The following DUS3L variants were observed in gnomAD, a reference collection of about 807,000 sequenced individuals.
The protein encoded by DUS3L is tRNA-dihydrouridine(47) synthase [NAD(P)(+)]-like.
DUS3L carries 62 observed loss-of-function variants against 74.6 expected under a neutral mutation model. That is an observed-to-expected ratio of 0.83 (90% CI 0.68 to 1.03). The LOEUF (loss-of-function observed/expected upper bound fraction) is 1.03. DUS3L is among the 50% of genes least tolerant of loss of function. The pLI is 0.00. For missense variants in DUS3L, 884 were observed against 924.4 expected (o/e 0.96, Z 0.57); for synonymous variants, 433 against 395.7 (o/e 1.09, Z -1.12).
At chr19:5,787,782 TG>T (rs1431607094) in intron 5 of DUS3L, 77 bp from the exon 6 acceptor site, 20 of 1,533,588 alleles carry the variant, frequency 1.3e-5, no homozygotes, top group Non-Finnish European at 1.6e-5. Context: ...CCCTCCCCAC[TG>T]GGGGGCCCTG....
At chr19:5,788,865 C>T (rs1468824361) in intron 3 of DUS3L, among the ~76,000 whole-genome samples, 7 of 152,186 alleles carry the variant, frequency 4.6e-5, no homozygotes, top group African/African-American at 1.7e-4. Flanking sequence ...CGCCACCAGG[C>T]CCGGCTAATT....
rs2056901195 is a variant in DUS3L, at chr19:5,790,691, G to A, written c.98+353C>T. ...CTTCAAACACCGCAGGCCCCAGCAC[G>A]CCCCGCGGCACTCGCTTCAACCCCA... On this transcript the variant is annotated intron_variant, in intron 1 of 12. Coordinates refer to ENST00000309061, the MANE Select transcript of DUS3L (RefSeq NM_020175.3). The A allele has an allele frequency of 7.5e-6, 4 of 535,958 alleles. No individual in the cohort carries two copies. In the South Asian group the frequency reaches 8.7e-5, roughly 12 times the overall value. 33.2% of individuals were successfully genotyped at this position (535,958 alleles called of 1,614,324 possible). A position where few individuals can be genotyped will look rare whatever the true frequency, so the allele number is the denominator to read the frequency against.
In DUS3L at chr19:5,788,371, C is replaced by A. The variant is rs952391346; in HGVS notation, c.928G>T (p.Ala310Ser). ...RLDIRGKLYL[A>S]PLTTCGNLPF... ...CCAGGTCCTACCGTGGTGAGGGGGG[C>A]CAGGTAAAGTTTGCCACGGATGTCC... Residue 310 changes from alanine to serine, a missense_variant, in exon 4 of 13, where the codon GCC becomes TCC. By Grantham distance (99) the Ala-to-Ser change is moderately conservative. Coordinates refer to ENST00000309061, the MANE Select transcript of DUS3L (RefSeq NM_020175.3). 1.9e-6 allele frequency: 3 copies of A among 1,613,644 alleles called. No individual in the cohort carries two copies. The South Asian group carries it at 3.3e-5, about 18-fold the overall frequency.
chr19:5,790,953 C>A, intron 1 of DUS3L, 91 bp downstream of exon 1: 1 of 1,304,040 alleles, frequency 7.7e-7, no homozygotes, highest in Admixed American at 2.2e-5. Flanking sequence ...TCGCCCTCAG[C>A]CGCTGCCTAA....
At chr19:5,788,003 T>C in intron 5 of DUS3L, 21 bp downstream of exon 5, 1 of 1,610,038 alleles carries the variant, frequency 6.2e-7, no homozygotes, top group African/African-American at 1.3e-5. Flanking sequence ...CCACTCTCCC[T>C]CCCTCGGGGT....
chr19:5,789,900 C>T, intron 2 of DUS3L, 147 bp downstream of exon 2: 2 of 1,318,928 alleles, frequency 1.5e-6, no homozygotes, highest in Non-Finnish European at 2.1e-6. Context: ...TACAATGTAT[C>T]CCGAGGAGAA....
rs746093606 is a variant in DUS3L at position 5,788,137 on chromosome 19, C to T, written c.982G>A (p.Gly328Arg). 22 of 1,613,534 alleles carry T rather than the reference C, an allele frequency of 1.4e-5. No individual in the cohort carries two copies. Among genetic ancestry groups the T allele is most frequent in the East Asian group, 4.5e-5 (2 of 44,892 alleles). The change falls in exon 5 of 13, where the codon GGG becomes AGG. Residue 328 changes from glycine to arginine, a missense_variant. By Grantham distance (125) the Gly-to-Arg change is moderately radical. Coordinates refer to ENST00000309061, the MANE Select transcript of DUS3L (RefSeq NM_020175.3). ...ATCTCTCCACATGTCACATCCGCCC[C>T]GAAGCGCTTGCAGATCCGTCGGAAG... ...LPFRRICKRF[G>R]ADVTCGEMAV...
At chr19:5,787,540 G>A in intron 6 of DUS3L, 49 bp downstream of exon 6, 1 of 1,594,868 alleles carries the variant, frequency 6.3e-7, no homozygotes, top group Non-Finnish European at 8.6e-7. Flanking sequence ...CTGGGTCAGT[G>A]CCTCCCTGCC....
rs1417577615 is a variant in DUS3L, at chr19:5,787,112, C to T, written c.1338G>A (p.Leu446=). ...GCAGCTCGGGCAGCAGGCGGTGCGC[C>T]AGGTTCACACGCTCCTGGACGCCTG... ...IRTGVQERVN[L]AHRLLPELRD... is the part of the protein sequence containing the mutation. Residue 446 remains leucine (L), a synonymous_variant, in exon 8 of 13, where the codon CTG becomes CTA. Coordinates refer to ENST00000309061, the MANE Select transcript of DUS3L (RefSeq NM_020175.3). The T allele has an allele frequency of 1.0e-6, 1 of 974,978 alleles. No individual in the cohort carries two copies. The highest frequency in any genetic ancestry group is 1.2e-6 in the Non-Finnish European group (1 of 833,734). 60.4% of individuals were successfully genotyped at this position (974,978 alleles called of 1,614,324 possible).
intron 2 of DUS3L, 23 bp downstream of exon 2, chr19:5,790,024 A>G (rs1026431905): frequency 3.7e-6 from 6 of 1,607,968 alleles, no homozygotes; most frequent in Non-Finnish European, 4.3e-6. Flanking sequence ...CCCCGGCAGG[A>G]ATGCTCACGT....
rs73550310 is a variant in DUS3L, at chr19:5,788,277, G to A, written c.942+80C>T. Reference sequence around the variant, plus strand: ...GCGCCCCAGCCCCACAATCCAGTAGGTGGGGACAGACACTAAGCCCTGTTG... The same window carrying A: ...GCGCCCCAGCCCCACAATCCAGTAGATGGGGACAGACACTAAGCCCTGTTG... On this transcript the variant is annotated intron_variant, in intron 4 of 12. Transcript: ENST00000309061. 1.7e-3 allele frequency: 2,697 copies of A among 1,610,884 alleles called. 37 individuals are homozygous for A. In the African/African-American group the frequency reaches 0.029, roughly 17 times the overall value.
rs1599618052 is a variant in DUS3L at position 5,786,770 on chromosome 19, C to T, written c.1465G>A (p.Ala489Thr). The change falls in exon 9 of 13, where the codon GCC becomes ACC. Residue 489 changes from alanine to threonine, a missense_variant. Coordinates refer to ENST00000309061, the MANE Select transcript of DUS3L (RefSeq NM_020175.3). ...WQYIEECVQA[A>T]SPMPLFGNGD... ...CCACCGAACAGGGGCATGGGGCTGG[C>T]GGCCTGCACGCACTCCTCGATGTAC... The T allele has an allele frequency of 3.7e-6, 6 of 1,611,910 alleles. No homozygotes were observed. The highest frequency in any genetic ancestry group is 5.1e-6 in the Non-Finnish European group (6 of 1,179,690).
rs745351746 is a variant in DUS3L, at chr19:5,787,688, G to A, written c.1113C>T (p.Pro371=). Residue 371 remains proline (P), a synonymous_variant, in exon 6 of 13, where the codon CCC becomes CCT. Transcript: ENST00000309061. ...IFGVQLEGAF[P]DTMTKCAELL... ...GCTCGGCACACTTGGTCATGGTGTC[G>A]GGGAAGGCGCCCTCCAGCTGTAGGT... The A allele has an allele frequency of 1.1e-5, 18 of 1,613,316 alleles. No individual in the cohort carries two copies. Among genetic ancestry groups the A allele is most frequent in the African/African-American group, 8.0e-5 (6 of 74,926 alleles).
intron 4 of DUS3L, 51 bp downstream of exon 4, chr19:5,788,306 T>C: frequency 6.2e-7 from 1 of 1,612,888 alleles, no homozygotes; most frequent in Non-Finnish European, 8.5e-7. Flanking sequence ...CCTGTTGGAA[T>C]GACCACACTG....
In DUS3L at chr19:5,789,452, G is replaced by C; in HGVS notation, c.655C>G (p.Arg219Gly). ...GLDKALQQQL[R>G]KREVRFERAE... The stretch of plus-strand genomic sequence containing the variant: ...CGCTCGAAGCGGACCTCGCGCTTCC[G>C]CAGCTGCTGCTGCAGGGCTTTGTCC... The change falls in exon 3 of 13, where the codon CGG (arginine) becomes GGG (glycine). Residue 219 changes from arginine (R) to glycine (G), a missense_variant. By Grantham distance (125) the Arg-to-Gly change is moderately radical (BLOSUM62 -2). Transcript: ENST00000309061. 1 of 1,601,488 alleles carries C rather than the reference G, an allele frequency of 6.2e-7. No individual in the cohort carries two copies. Among genetic ancestry groups the C allele is most frequent in the Non-Finnish European group, 8.5e-7 (1 of 1,178,570 alleles).
At chr19:5,790,952 G>A in intron 1 of DUS3L, 92 bp downstream of exon 1, 1 of 1,299,948 alleles carries the variant, frequency 7.7e-7, no homozygotes, top group Non-Finnish European at 1.1e-6. Context: ...CTCGCCCTCA[G>A]CCGCTGCCTA....
At chr19:5,787,194 G>GGCAGGAGAC (rs753685142) in intron 7 of DUS3L, 23 bp from the exon 8 acceptor site, 9 of 325,640 alleles carry the variant, frequency 2.8e-5, no homozygotes, top group South Asian at 8.2e-5. Context: ...GGTGGGAGGT[G>GGCAGGAGAC]GTGGGAGATG....
intron 9 of DUS3L, 92 bp downstream of exon 9, chr19:5,786,657 C>G: frequency 6.4e-7 from 1 of 1,569,308 alleles, no homozygotes; most frequent in Non-Finnish European, 8.7e-7. Context: ...CAGGGTGGTA[C>G]GAGGGGGTCC....
Position 5,787,115 on chromosome 19 carries a change from G to A in DUS3L, c.1335C>T (p.Asn445=). Residue 445 remains asparagine (N), a synonymous_variant, in exon 8 of 13, where the codon AAC becomes AAT. Transcript: ENST00000309061. ...KIRTGVQERV[N]LAHRLLPELR... is the part of the protein sequence containing the mutation. ...GCTCGGGCAGCAGGCGGTGCGCCAG[G>A]TTCACACGCTCCTGGACGCCTGTGC... 7.4e-7 allele frequency: 1 copy of A among 1,343,986 alleles called. No individual in the cohort carries two copies. The highest frequency in any genetic ancestry group is 9.8e-7 in the Non-Finnish European group (1 of 1,021,408). The allele number at this position is 1,343,986 out of a possible 1,614,324, so 83.3% of individuals were successfully genotyped here.
Sources: gnomAD v4.1 joint callset for allele counts (sites outside exome capture counted in the v4.1 genomes callset) on GRCh38, gnomAD v4.1.1 for gene constraint, MANE v1.5 for transcripts, NCBI Gene and HGNC (gene_info 2026-07-23, HGNC 2026-07-21) for gene names.